IDO2: variants seen among roughly 807,000 people sequenced by gnomAD.
IDO2 encodes indoleamine 2,3-dioxygenase-like 1 protein.
IDO2 carries 46 observed loss-of-function variants against 45.1 expected under a neutral mutation model. The observed-to-expected ratio is 1.02, with a 90% CI of 0.80 to 1.30. The LOEUF (loss-of-function observed/expected upper bound fraction) is 1.30, where lower values mean the gene tolerates loss of function less well. Among genes scored for constraint, IDO2 ranks in the 50% most tolerant of loss-of-function variants. The pLI, the probability that IDO2 is intolerant of heterozygous loss-of-function variation, is 0.00. For synonymous variants in IDO2, 218 were observed against 184.9 expected (o/e 1.18, Z -1.45); for missense variants, 544 against 491.8 (o/e 1.11, Z -1.00).
In IDO2 at chr8:39,938,757, T is replaced by C. The variant is rs1465249003; in HGVS notation, c.-18+3539T>C. Among the ~76,000 whole-genome samples, 3 of 151,928 alleles carry C rather than the reference T, an allele frequency of 2.0e-5. No individual in the cohort carries two copies. In the East Asian group the frequency reaches 5.8e-4, roughly 29 times the overall value. ...ACTCAAAAATAAGAAAATGAACAAC[T>C]CAGTTAAATAATGGGCAAAAGATCT... On this transcript the variant is annotated intron_variant, in intron 1 of 10. Transcript: ENST00000502986.
chr8:39,969,379 G>A (rs1227900213), intron 3 of IDO2, among the ~76,000 whole-genome samples: 2 of 152,082 alleles, frequency 1.3e-5, no homozygotes, highest in East Asian at 3.9e-4. Flanking sequence ...CATAAACTGT[G>A]CCCCTATAAG....
chr8:40,010,637 T>C (rs536538213), intron 9 of IDO2, among the ~76,000 whole-genome samples: 5 of 152,286 alleles, frequency 3.3e-5, no homozygotes, highest in South Asian at 2.1e-4. Context: ...ATTCTGGATA[T>C]ATACTGAAAT....
intron 1 of IDO2, among the ~76,000 whole-genome samples, chr8:39,936,336 A>C (rs1219187049): frequency 1.3e-5 from 2 of 152,218 alleles, no homozygotes; most frequent in Non-Finnish European, 2.9e-5. Flanking sequence ...AATCTTGGAA[A>C]ATGTGTGAGA....
At chr8:39,972,243 A>T (rs77502239) in intron 3 of IDO2, among the ~76,000 whole-genome samples, 1 of 150,734 alleles carries the variant, frequency 6.6e-6, no homozygotes, top group East Asian at 1.9e-4. Flanking sequence ...TTGAAATGAT[A>T]AAAAAAAATT....
chr8:39,990,514 C>A (rs529286069), intron 8 of IDO2, among the ~76,000 whole-genome samples: 2 of 152,222 alleles, frequency 1.3e-5, no homozygotes, highest in Non-Finnish European at 2.9e-5. Context: ...GCCATCACAA[C>A]CTTACATACA....
chr8:40,009,497 GT>G (rs1802278955), intron 9 of IDO2, among the ~76,000 whole-genome samples: 5 of 151,326 alleles, frequency 3.3e-5, no homozygotes, highest in African/African-American at 1.2e-4. Context: ...TTTTCTTGGG[GT>G]TGCTAGAAAG....
chr8:40,015,262 G>A (rs1203040968), exon 11 of IDO2: 2 of 1,606,556 alleles, frequency 1.2e-6, no homozygotes, highest in Non-Finnish European at 8.5e-7. Context: ...TTTCTGTACA[G>A]AATGAGGGAT....
exon 10 of IDO2, chr8:40,013,595 G>C (rs750242472): frequency 1.2e-6 from 2 of 1,613,820 alleles, no homozygotes; most frequent in South Asian, 2.2e-5. Flanking sequence ...TGCCTGCAGG[G>C]CTGATGTATG....
chr8:39,998,336 G>A (rs1368197146), intron 8 of IDO2: 2 of 152,194 alleles, frequency 1.3e-5, no homozygotes, highest in African/African-American at 4.8e-5. Context: ...TTTGAAAAAT[G>A]TATATTTGAA....
At chr8:39,953,834 CA>C (rs993824046) in intron 2 of IDO2, among the ~76,000 whole-genome samples, 4 of 152,100 alleles carry the variant, frequency 2.6e-5, no homozygotes, top group Non-Finnish European at 4.4e-5. Flanking sequence ...TGTCTCAAAA[CA>C]AAAACAAAAA....
chr8:40,015,922 A>C, exon 11 of IDO2: 1 of 360,970 alleles, frequency 2.8e-6, no homozygotes, highest in Non-Finnish European at 4.9e-6. Flanking sequence ...AATGTCAAAA[A>C]TCAGATAAAA....
intron 3 of IDO2, among the ~76,000 whole-genome samples, chr8:39,968,356 G>C (rs372017746): frequency 6.6e-6 from 1 of 152,160 alleles, no homozygotes; most frequent in East Asian, 1.9e-4. Context: ...CTAGAGACAG[G>C]TAAGGAGTGG....
intron 4 of IDO2, among the ~76,000 whole-genome samples, chr8:39,980,902 G>A (rs552121219): frequency 9.2e-5 from 14 of 151,370 alleles, no homozygotes; most frequent in South Asian, 4.2e-4. Flanking sequence ...GGCACCTGCC[G>A]CCACGGCCAG....
intron 4 of IDO2, among the ~76,000 whole-genome samples, chr8:39,982,335 T>A (rs1455127686): frequency 1.3e-5 from 2 of 151,952 alleles, no homozygotes; most frequent in Admixed American, 6.6e-5. Context: ...GGGCCCCAGT[T>A]TATGTTTAAT....
At chr8:39,967,517 T>C (rs1012104685) in intron 3 of IDO2, among the ~76,000 whole-genome samples, 26 of 152,266 alleles carry the variant, frequency 1.7e-4, no homozygotes, top group African/African-American at 6.0e-4. Context: ...AGACAGAGTT[T>C]CACTCTTGTT....
intron 2 of IDO2, among the ~76,000 whole-genome samples, chr8:39,962,729 C>T (rs567856371): frequency 6.6e-6 from 1 of 152,302 alleles, no homozygotes; most frequent in South Asian, 2.1e-4. Context: ...GGCTAGGCTC[C>T]TCCCCAGCAT....
intron 6 of IDO2, 90 bp downstream of exon 6, chr8:39,985,612 T>C (rs1341833725): frequency 9.4e-7 from 1 of 1,067,962 alleles, no homozygotes; most frequent in East Asian, 2.6e-5. Flanking sequence ...TGCTAAATTA[T>C]ATGTATAATA....
chr8:39,992,071 A>G (rs773169620), intron 8 of IDO2, among the ~76,000 whole-genome samples: 8 of 152,204 alleles, frequency 5.3e-5, no homozygotes, highest in Non-Finnish European at 8.8e-5. Flanking sequence ...AATGGATTGG[A>G]CTGTGTTTTC....
intron 9 of IDO2, among the ~76,000 whole-genome samples, chr8:40,010,044 G>A (rs1802288511): frequency 1.4e-5 from 1 of 72,560 alleles, no homozygotes. Flanking sequence ...CGGTGGGTGG[G>A]GGGATGGACA....
Sources: allele counts gnomAD v4.1 joint callset (sites outside exome capture counted in the v4.1 genomes callset), GRCh38; gene constraint gnomAD v4.1.1; transcripts MANE v1.5; gene names NCBI Gene and HGNC (gene_info 2026-07-23, HGNC 2026-07-21).